UTRN: variants seen among roughly 807,000 people sequenced by gnomAD.
The protein encoded by UTRN is utrophin.
In UTRN, 283 loss-of-function variants were observed where a neutral mutation model predicts 463.9. That is an observed-to-expected ratio of 0.61 (90% CI 0.55 to 0.67). The LOEUF is 0.67. Among genes scored for constraint, UTRN ranks in the 30% least tolerant of loss-of-function variants. The pLI, the probability that UTRN is intolerant of heterozygous loss-of-function variation, is 0.00. For missense variants in UTRN, 3,922 were observed against 4,084.3 expected (o/e 0.96, Z 1.08); for synonymous variants, 1,442 against 1,431.5 (o/e 1.01, Z -0.17).
At chr6:144,438,011 A>G (rs1320616240) in intron 11 of UTRN, among the ~76,000 whole-genome samples, 1 of 152,244 alleles carries the variant, frequency 6.6e-6, no homozygotes, top group East Asian at 1.9e-4. Flanking sequence ...TCATGCCTGT[A>G]ATCCCAGCAC....
chr6:144,539,936 G>A (rs1000428025), intron 45 of UTRN, among the ~76,000 whole-genome samples: 2 of 151,730 alleles, frequency 1.3e-5, no homozygotes, highest in Non-Finnish European at 2.9e-5. Flanking sequence ...GCAGCTACTT[G>A]GGAGGCCGAG....
chr6:144,848,653 T>C (rs974334871), intron 74 of UTRN, among the ~76,000 whole-genome samples: 2 of 152,156 alleles, frequency 1.3e-5, no homozygotes, highest in Middle Eastern at 3.2e-3. Context: ...GTATTGGTAA[T>C]GGTCCATATT....
Position 144,533,280 on chromosome 6 carries a change from T to C in UTRN, c.6233+20T>C. On this transcript the variant is annotated intron_variant, in intron 43 of 74. Coordinates refer to ENST00000367545, the MANE Select transcript of UTRN (RefSeq NM_007124.3). Reference sequence around the variant, plus strand: ...GCCAAGGTGATTTAGCTATGATTGTTTGCAGGCACAGGAGTGAACATATTT... The same window carrying C: ...GCCAAGGTGATTTAGCTATGATTGTCTGCAGGCACAGGAGTGAACATATTT... The C allele has an allele frequency of 6.2e-7, 1 of 1,612,974 alleles. No homozygotes were observed. Among genetic ancestry groups the C allele is most frequent in the Non-Finnish European group, 8.5e-7 (1 of 1,179,428 alleles).
rs952257556 is a variant in UTRN, at chr6:144,368,740, C to T, written c.80-34383C>T. Among the ~76,000 whole-genome samples, 4 of 152,092 alleles carry T rather than the reference C, an allele frequency of 2.6e-5. No individual in the cohort carries two copies. The South Asian group carries it at 8.3e-4, about 32-fold the overall frequency. On this transcript the variant is annotated intron_variant, in intron 2 of 74. Transcript: ENST00000367545. ...AGTGAGCCCAAATCATGCCCTTGCA[C>T]TCCAGCCTGGGCAACTCCGTCGCAA...
At chr6:144,370,894 C>T (rs928479658) in intron 2 of UTRN, among the ~76,000 whole-genome samples, 6 of 152,164 alleles carry the variant, frequency 3.9e-5, no homozygotes, top group African/African-American at 1.4e-4. Context: ...GGCCTGTATT[C>T]GTACTGAAAA....
intron 73 of UTRN, among the ~76,000 whole-genome samples, chr6:144,846,105 T>C (rs1041498377): frequency 1.3e-5 from 2 of 152,196 alleles, no homozygotes; most frequent in African/African-American, 2.4e-5. Flanking sequence ...GAAAAGCAGA[T>C]GCCTTAGAGA....
At chr6:144,328,505 TG>T (rs1224379604) in intron 2 of UTRN, among the ~76,000 whole-genome samples, 2 of 152,216 alleles carry the variant, frequency 1.3e-5, no homozygotes, top group African/African-American at 4.8e-5. Context: ...CTTTTAGAGT[TG>T]TTTTGTATTA....
intron 53 of UTRN, among the ~76,000 whole-genome samples, chr6:144,728,917 A>C (rs1375679343): frequency 1.3e-5 from 2 of 152,148 alleles, no homozygotes; most frequent in Non-Finnish European, 1.5e-5. Context: ...AGCTCTTCTC[A>C]TCCCTCCCCA....
chr6:144,528,029 G>T (rs1373211758), intron 41 of UTRN, among the ~76,000 whole-genome samples: 4 of 108,740 alleles, frequency 3.7e-5, no homozygotes, highest in Non-Finnish European at 6.9e-5. Flanking sequence ...GTAAGCTAGT[G>T]TGATTTTTTT....
At chr6:144,841,618 CAT>C (rs1207132273) in intron 73 of UTRN, among the ~76,000 whole-genome samples, 1 of 151,992 alleles carries the variant, frequency 6.6e-6, no homozygotes, top group Non-Finnish European at 1.5e-5. Context: ...TACACACACA[CAT>C]ACAAATATAT....
intron 50 of UTRN, among the ~76,000 whole-genome samples, chr6:144,573,144 G>T (rs1340520219): frequency 6.6e-6 from 1 of 152,042 alleles, no homozygotes; most frequent in Admixed American, 6.6e-5. Context: ...TCATCTGTTT[G>T]TTGGCCGCAT....
intron 51 of UTRN, among the ~76,000 whole-genome samples, chr6:144,656,869 T>TA (rs1779363679): frequency 1.3e-5 from 2 of 152,086 alleles, no homozygotes; most frequent in South Asian, 4.1e-4. Flanking sequence ...GTTAAGAATT[T>TA]AAAAAAAATC....
Position 144,851,040 on chromosome 6 carries a change from G to C in UTRN, c.*43G>C, listed in dbSNP as rs904501971. Reference sequence around the variant, plus strand: ...CCAATGTTTCCTGACGTACAGTGTTGCCCTTTTCAGCAAATGCCAATTCCA... The same window carrying C: ...CCAATGTTTCCTGACGTACAGTGTTCCCCTTTTCAGCAAATGCCAATTCCA... On this transcript the variant is annotated 3_prime_UTR_variant, in exon 75 of 75. Coordinates refer to ENST00000367545, the MANE Select transcript of UTRN (RefSeq NM_007124.3). The C allele has an allele frequency of 1.2e-6, 2 of 1,613,228 alleles. No homozygotes were observed. Among genetic ancestry groups the C allele is most frequent in the East Asian group, 2.2e-5 (1 of 44,858 alleles).
intron 51 of UTRN, among the ~76,000 whole-genome samples, chr6:144,666,087 G>T (rs950150169): frequency 2.0e-5 from 3 of 152,120 alleles, no homozygotes; most frequent in African/African-American, 7.2e-5. Flanking sequence ...AGCATCAGTA[G>T]GGCCAAGTCT....
intron 2 of UTRN, among the ~76,000 whole-genome samples, chr6:144,295,715 G>A (rs1001652088): frequency 1.3e-5 from 2 of 152,214 alleles, no homozygotes; most frequent in African/African-American, 4.8e-5. Context: ...TCTCACTGCT[G>A]CTGCTGATGA....
chr6:144,625,023 C>T (rs978364171), intron 51 of UTRN, among the ~76,000 whole-genome samples: 3 of 152,190 alleles, frequency 2.0e-5, no homozygotes, highest in African/African-American at 7.2e-5. Flanking sequence ...TTCCATTTCA[C>T]TTTCCACAGC....
intron 51 of UTRN, among the ~76,000 whole-genome samples, chr6:144,654,427 A>G (rs1779128238): frequency 6.6e-6 from 1 of 152,228 alleles, no homozygotes; most frequent in Non-Finnish European, 1.5e-5. Context: ...TATAGTAACA[A>G]TGCCCTCCTG....
chr6:144,514,120 CT>C, intron 36 of UTRN, 83 bp downstream of exon 36: 1 of 1,544,250 alleles, frequency 6.5e-7, no homozygotes, highest in Non-Finnish European at 8.8e-7. Flanking sequence ...CTCTAAGTTA[CT>C]TAGCTCTCAT....
At chr6:144,691,416 C>A (rs975345919) in intron 52 of UTRN, among the ~76,000 whole-genome samples, 5 of 152,198 alleles carry the variant, frequency 3.3e-5, no homozygotes, top group Non-Finnish European at 5.9e-5. Context: ...TGCACCTGGC[C>A]CCAACTTGAT....
Sources: allele counts gnomAD v4.1 joint callset (sites outside exome capture counted in the v4.1 genomes callset), GRCh38; gene constraint gnomAD v4.1.1; transcripts MANE v1.5; gene names NCBI Gene and HGNC (gene_info 2026-07-23, HGNC 2026-07-21).